The following WDR7 variants were observed in gnomAD, a reference collection of about 807,000 sequenced individuals.
WDR7 encodes WD repeat-containing protein 7.
Under a neutral mutation model 169.4 loss-of-function variants are expected in WDR7, and 46 were observed. The ratio of observed to expected loss-of-function variants is 0.27; its 90% confidence interval spans 0.21 to 0.35. The LOEUF (loss-of-function observed/expected upper bound fraction) is 0.35. WDR7 is among the 10% of genes least tolerant of loss of function. The pLI is 1.00. For synonymous variants in WDR7, 612 were observed against 666.8 expected, an observed-to-expected ratio of 0.92 and a Z score of 1.27; for missense variants, 1,534 against 1,859.3, an observed-to-expected ratio of 0.83 and a Z score of 3.22.
chr18:56,893,675 T>G (rs1442186179), intron 21 of WDR7, among the ~76,000 whole-genome samples: 1 of 152,102 alleles, frequency 6.6e-6, no homozygotes, highest in Non-Finnish European at 1.5e-5. Flanking sequence ...ACTCGAATGT[T>G]TGTGTGAAAT....
chr18:56,735,786 G>A (rs990375229), intron 14 of WDR7, among the ~76,000 whole-genome samples: 3 of 152,174 alleles, frequency 2.0e-5, no homozygotes, highest in Non-Finnish European at 4.4e-5. Flanking sequence ...AGCAGGCATA[G>A]ACAATATGTG....
chr18:56,684,710 G>T (rs940998570), intron 5 of WDR7, among the ~76,000 whole-genome samples: 1 of 152,168 alleles, frequency 6.6e-6, no homozygotes, highest in Non-Finnish European at 1.5e-5. Flanking sequence ...TCAGAGTGTT[G>T]GTTCTGAAGT....
intron 1 of WDR7, among the ~76,000 whole-genome samples, chr18:56,663,979 A>C (rs1437493800): frequency 3.3e-5 from 5 of 152,178 alleles, no homozygotes; most frequent in African/African-American, 1.2e-4. Context: ...TAGGAAGAAG[A>C]TAATGGGGAC....
chr18:56,944,457 A>G (rs147127812), intron 25 of WDR7, among the ~76,000 whole-genome samples: 2,251 of 152,294 alleles, frequency 0.015, 16 homozygotes, highest in African/African-American at 0.026. Context: ...TGATTTCATA[A>G]TGACTTAATA....
intron 20 of WDR7, among the ~76,000 whole-genome samples, chr18:56,822,564 C>T (rs7230069): frequency 2.6e-5 from 4 of 152,032 alleles, no homozygotes; most frequent in East Asian, 1.9e-4. Flanking sequence ...TTTCCTAGCC[C>T]GGAGTCAGAG....
At chr18:56,700,099 ATTAC>A (rs142923359) in intron 12 of WDR7, among the ~76,000 whole-genome samples, 1,986 of 152,150 alleles carry the variant, frequency 0.013, 40 homozygotes, top group African/African-American at 0.046. Context: ...GGGACTTTTA[ATTAC>A]TTAAAAAATT....
intron 20 of WDR7, among the ~76,000 whole-genome samples, chr18:56,850,511 ATATT>A (rs1267801945): frequency 6.6e-6 from 1 of 151,978 alleles, no homozygotes; most frequent in Non-Finnish European, 1.5e-5. Flanking sequence ...TTATGTTTCT[ATATT>A]TATTTATTTA....
At position 56,866,882 on chromosome 18, in the gene WDR7, A is replaced by G. The variant is rs112665310; in HGVS notation, c.3305-13062A>G. Among the ~76,000 whole-genome samples, 415 of 152,350 alleles carry G rather than the reference A, an allele frequency of 2.7e-3. 2 individuals carry two copies. Among genetic ancestry groups the G allele is most frequent in the African/African-American group, 9.6e-3 (398 of 41,592 alleles). ...TGAGCATTTCTAGCATAAAGAAAAG[A>G]CAAATATTTAAGGTGATGAATATCC... On this transcript the variant is annotated intron_variant, in intron 20 of 27. Transcript: ENST00000254442.
At chr18:56,973,156 G>A (rs1035366800) in intron 26 of WDR7, among the ~76,000 whole-genome samples, 10 of 152,200 alleles carry the variant, frequency 6.6e-5, no homozygotes, top group African/African-American at 1.9e-4. Flanking sequence ...GATTACAGGC[G>A]CGAGCCACCG....
chr18:56,732,180 T>TA (rs1369084653), intron 14 of WDR7, among the ~76,000 whole-genome samples: 3 of 152,176 alleles, frequency 2.0e-5, no homozygotes, highest in Non-Finnish European at 4.4e-5. Flanking sequence ...ATGATCCTAT[T>TA]AAAAAAACCA....
At chr18:56,687,028 T>G in intron 7 of WDR7, 54 bp downstream of exon 7, 1 of 1,509,820 alleles carries the variant, frequency 6.6e-7, no homozygotes, top group Non-Finnish European at 9.0e-7. Flanking sequence ...AGACATTGGT[T>G]TATCAGATTT....
chr18:56,758,250 CACTT>C (rs1356339291), intron 15 of WDR7, among the ~76,000 whole-genome samples: 1 of 152,182 alleles, frequency 6.6e-6, no homozygotes, highest in African/African-American at 2.4e-5. Context: ...ACTTATATAG[CACTT>C]ACTTTGTGTC....
chr18:56,884,866 T>A (rs564861819), intron 21 of WDR7, among the ~76,000 whole-genome samples: 5 of 152,160 alleles, frequency 3.3e-5, no homozygotes, highest in African/African-American at 1.2e-4. Context: ...AAACTACAAC[T>A]AAGGATGCTC....
intron 20 of WDR7, among the ~76,000 whole-genome samples, chr18:56,876,268 G>A (rs929506460): frequency 9.2e-5 from 14 of 151,998 alleles, no homozygotes; most frequent in African/African-American, 2.2e-4. Flanking sequence ...AACATATAGC[G>A]CAAAGAACTG....
chr18:56,943,594 C>A (rs2047061545), intron 25 of WDR7, among the ~76,000 whole-genome samples: 1 of 151,860 alleles, frequency 6.6e-6, no homozygotes, highest in Non-Finnish European at 1.5e-5. Flanking sequence ...ATGTGAAAAT[C>A]CAAAATGTAT....
intron 20 of WDR7, among the ~76,000 whole-genome samples, chr18:56,817,299 G>T (rs967016517): frequency 6.7e-6 from 1 of 149,342 alleles, no homozygotes; most frequent in Non-Finnish European, 1.5e-5. Flanking sequence ...AGCCGAGATT[G>T]CACCTCTGCG....
rs142522229 is a variant in WDR7, at chr18:56,997,429, C to T, written c.4165-23316C>T. Among the ~76,000 whole-genome samples the T allele has an allele frequency of 1.2e-3, 187 of 151,064 alleles. 2 individuals carry two copies. Among genetic ancestry groups the T allele is most frequent in the Middle Eastern group, 0.01 (3 of 292 alleles). On this transcript the variant is annotated intron_variant, in intron 26 of 27. Coordinates refer to ENST00000254442, the MANE Select transcript of WDR7 (RefSeq NM_015285.3). ...AAGGTTGGGTATTAATGACTCAAAC[C>T]AGAAGTTAATGCATTATTGTAAATA...
At chr18:56,922,548 C>T (rs974503264) in intron 21 of WDR7, among the ~76,000 whole-genome samples, 6 of 152,044 alleles carry the variant, frequency 3.9e-5, no homozygotes, top group East Asian at 1.9e-4. Flanking sequence ...AATACACATA[C>T]GAAATATGAA....
rs1386879487 is a variant in WDR7 at position 56,682,777 on chromosome 18, A to G, written c.444A>G (p.Val148=). The G allele has an allele frequency of 1.2e-6, 2 of 1,613,766 alleles. No homozygotes were observed. Among genetic ancestry groups the G allele is most frequent in the Non-Finnish European group, 1.7e-6 (2 of 1,179,808 alleles). ...ILVVDATSLE[V]LYSLVSKISP... is the part of the protein sequence containing the mutation. ...TTGTGGATGCTACCAGCCTTGAAGT[A>G]TTATACTCCTTAGTATCAAAGATAT... Residue 148 remains valine, a synonymous_variant, in exon 5 of 28, where the codon GTA becomes GTG. Transcript: ENST00000254442.
Sources: gnomAD v4.1 joint callset for allele counts (sites outside exome capture counted in the v4.1 genomes callset) on GRCh38, gnomAD v4.1.1 for gene constraint, MANE v1.5 for transcripts, NCBI Gene and HGNC (gene_info 2026-07-23, HGNC 2026-07-21) for gene names.